PKNOX2: variants seen among roughly 807,000 people sequenced by gnomAD.
The protein encoded by PKNOX2 is homeobox protein PKNOX2.
Under a neutral mutation model 53.1 loss-of-function variants are expected in PKNOX2, and 14 were observed. That is an observed-to-expected ratio of 0.26 (90% confidence interval 0.17 to 0.41). The LOEUF (loss-of-function observed/expected upper bound fraction) is 0.41. Ranked by LOEUF, PKNOX2 falls within the 10% of genes least tolerant of loss-of-function variation. The probability of loss-of-function intolerance (pLI) is 1.00; values close to 1 mark genes in which losing one functional copy is unlikely to be tolerated. For missense variants in PKNOX2, 496 were observed against 602.8 expected (o/e 0.82, Z 1.85); for synonymous variants, 257 against 242.8 (o/e 1.06, Z -0.54).
At chr11:125,424,350 C>CT (rs925145508) in intron 10 of PKNOX2, among the ~76,000 whole-genome samples, 6 of 151,454 alleles carry the variant, frequency 4.0e-5, no homozygotes, top group South Asian at 2.1e-4. Context: ...TTCTAAAAGA[C>CT]TTTTTTTTTC....
chr11:125,270,062 A>T (rs1478800005), intron 2 of PKNOX2, among the ~76,000 whole-genome samples: 1 of 152,170 alleles, frequency 6.6e-6, no homozygotes, highest in Admixed American at 6.5e-5. Flanking sequence ...TCCTTTTTCC[A>T]TTCAATGGTC....
chr11:125,265,605 T>A (rs1945264380), intron 2 of PKNOX2, among the ~76,000 whole-genome samples: 1 of 152,144 alleles, frequency 6.6e-6, no homozygotes, highest in African/African-American at 2.4e-5. Context: ...GTTTTCTCCA[T>A]CCCAGACCTT....
At chr11:125,381,355 T>A (rs1953214989) in intron 5 of PKNOX2, among the ~76,000 whole-genome samples, 3 of 152,106 alleles carry the variant, frequency 2.0e-5, no homozygotes, top group Admixed American at 2.0e-4. Flanking sequence ...CAACCCTGAC[T>A]GCTCAGTCCT....
intron 2 of PKNOX2, among the ~76,000 whole-genome samples, chr11:125,312,712 C>T (rs537704643): frequency 2.0e-5 from 3 of 152,142 alleles, no homozygotes; most frequent in Admixed American, 6.5e-5. Flanking sequence ...ATGGAGGAGA[C>T]GCACGTGCCC....
At chr11:125,398,323 T>C (rs1954537033) in intron 7 of PKNOX2, among the ~76,000 whole-genome samples, 1 of 152,174 alleles carries the variant, frequency 6.6e-6, no homozygotes, top group Admixed American at 6.5e-5. Context: ...CCAAAATCAT[T>C]CCTGGCTTCC....
At chr11:125,228,713 G>T (rs1941936629) in intron 1 of PKNOX2, among the ~76,000 whole-genome samples, 1 of 152,170 alleles carries the variant, frequency 6.6e-6, no homozygotes, top group African/African-American at 2.4e-5. Context: ...ACCCTCGGTT[G>T]GTATTCCATT....
chr11:125,342,165 CTTTTT>C (rs140732508), intron 3 of PKNOX2, among the ~76,000 whole-genome samples: 1 of 144,406 alleles, frequency 6.9e-6, no homozygotes, highest in African/African-American at 2.5e-5. Flanking sequence ...TGACTCTTGA[CTTTTT>C]TTTTTTTTTC....
intron 5 of PKNOX2, among the ~76,000 whole-genome samples, chr11:125,369,662 G>A (rs1254280780): frequency 6.6e-6 from 1 of 152,182 alleles, no homozygotes; most frequent in Admixed American, 6.5e-5. Flanking sequence ...ACCCCACTAG[G>A]TGGAGAAATG....
At chr11:125,289,332 A>G (rs1863445) in intron 2 of PKNOX2, among the ~76,000 whole-genome samples, 149,350 of 152,328 alleles carry the variant, frequency 0.98, 73,230 homozygotes, top group East Asian at 1. Context: ...CCAGTGATCC[A>G]GGCAGACAAT....
chr11:125,365,183 C>T (rs1952124301), intron 4 of PKNOX2, among the ~76,000 whole-genome samples: 1 of 152,198 alleles, frequency 6.6e-6, no homozygotes, highest in South Asian at 2.1e-4. Context: ...ATATATCCCA[C>T]GTTCCTTCAA....
At chr11:125,359,760 C>T (rs919568214) in intron 4 of PKNOX2, among the ~76,000 whole-genome samples, 3 of 152,224 alleles carry the variant, frequency 2.0e-5, no homozygotes, top group African/African-American at 7.2e-5. Flanking sequence ...TAGGCCTGGG[C>T]AGCCCCAGGG....
chr11:125,166,299 G>C lies in PKNOX2; in HGVS notation c.-201+1523G>C, dbSNP rs77937367. Among the ~76,000 whole-genome samples, 3,186 of 152,232 alleles carry C rather than the reference G, an allele frequency of 0.021. 120 individuals are homozygous for C. The highest frequency in any genetic ancestry group is 0.069 in the African/African-American group (2,872 of 41,534). ...CCTGCAGCTCCGCGTGTGAAAAAGCGTTTAGGTAGGCGATGAAAGTAGTTG... is the reference window on the plus strand; with the variant it reads ...CCTGCAGCTCCGCGTGTGAAAAAGCCTTTAGGTAGGCGATGAAAGTAGTTG... On this transcript the variant is annotated intron_variant, in intron 1 of 12. Coordinates refer to ENST00000298282, the MANE Select transcript of PKNOX2 (RefSeq NM_001382323.2). The surrounding 1 kb of genome is among the most constrained non-coding windows in gnomAD (Gnocchi z 4.0).
intron 5 of PKNOX2, among the ~76,000 whole-genome samples, chr11:125,384,520 CT>C (rs747637182): frequency 1.3e-5 from 2 of 152,120 alleles, no homozygotes; most frequent in Admixed American, 6.5e-5. Context: ...CCCATCTCTA[CT>C]AAAAATACAA....
intron 9 of PKNOX2, 107 bp from the exon 10 acceptor site, chr11:125,411,639 G>A: frequency 1.3e-6 from 2 of 1,583,814 alleles, no homozygotes; most frequent in Non-Finnish European, 1.7e-6. Flanking sequence ...CTAGGAATGA[G>A]CCGGGAAAGG....
At chr11:125,193,413 T>C (rs568514018) in intron 1 of PKNOX2, among the ~76,000 whole-genome samples, 1 of 152,242 alleles carries the variant, frequency 6.6e-6, no homozygotes, top group African/African-American at 2.4e-5. Flanking sequence ...TGAGGCAAAG[T>C]TGAGGTTTTT....
intron 6 of PKNOX2, among the ~76,000 whole-genome samples, chr11:125,394,962 G>GTGTC (rs1954295127): frequency 6.7e-6 from 1 of 149,864 alleles, no homozygotes; most frequent in Admixed American, 6.6e-5. Context: ...GTGCCCTCGT[G>GTGTC]TGTGTGTGTG....
At chr11:125,179,664 C>T (rs1591471027) in intron 1 of PKNOX2, among the ~76,000 whole-genome samples, 1 of 152,154 alleles carries the variant, frequency 6.6e-6, no homozygotes, top group Non-Finnish European at 1.5e-5. Flanking sequence ...AGCAGGGCTG[C>T]ACCTGTGGGG....
intron 10 of PKNOX2, among the ~76,000 whole-genome samples, chr11:125,412,825 C>T (rs1042115238): frequency 1.3e-5 from 2 of 152,142 alleles, no homozygotes; most frequent in Admixed American, 6.5e-5. Flanking sequence ...AATCCTTCTT[C>T]AGGGAGGAGA....
At chr11:125,187,685 T>C (rs1956541403) in intron 1 of PKNOX2, among the ~76,000 whole-genome samples, 2 of 152,066 alleles carry the variant, frequency 1.3e-5, no homozygotes, top group Admixed American at 6.5e-5. Context: ...TCCTAATTAC[T>C]CTGGCTAGAA....
Sources: allele counts gnomAD v4.1 joint callset (sites outside exome capture counted in the v4.1 genomes callset), GRCh38; gene constraint gnomAD v4.1.1; non-coding constraint Gnocchi (gnomAD v3.1); transcripts MANE v1.5; gene names NCBI Gene and HGNC (gene_info 2026-07-23, HGNC 2026-07-21).